Variants in MACROD2 observed in about 807,000 individuals in gnomAD.
MACROD2 encodes mono-ADP ribosylhydrolase 2, also known as ADP-ribose glycohydrolase MACROD2.
A neutral mutation model predicts 70.4 loss-of-function variants in MACROD2; 36 were observed. The observed-to-expected ratio is 0.51, with a 90% CI of 0.39 to 0.68. The LOEUF is 0.68. Ranked by LOEUF, MACROD2 falls within the 30% of genes least tolerant of loss-of-function variation. The pLI is 0.00. For synonymous variants in MACROD2, 172 were observed against 178.8 expected, an observed-to-expected ratio of 0.96 and a Z score of 0.30; for missense variants, 496 against 538.4, an observed-to-expected ratio of 0.92 and a Z score of 0.78.
At chr20:14,321,186 G>A (rs2082656726) in intron 3 of MACROD2, among the ~76,000 whole-genome samples, 1 of 152,086 alleles carries the variant, frequency 6.6e-6, no homozygotes. Flanking sequence ...CCAACATGGT[G>A]AAACCCCGTC....
At chr20:14,073,425 C>T (rs907620604) in intron 2 of MACROD2, among the ~76,000 whole-genome samples, 1 of 151,696 alleles carries the variant, frequency 6.6e-6, no homozygotes, top group African/African-American at 2.4e-5. Context: ...ATTTAAAGAA[C>T]CATACATATA....
intron 8 of MACROD2, among the ~76,000 whole-genome samples, chr20:15,585,713 G>A (rs921523042): frequency 7.2e-5 from 11 of 152,026 alleles, no homozygotes; most frequent in Admixed American, 4.6e-4. Context: ...TGAATCATCC[G>A]TCTTAATAGC....
chr20:14,589,691 T>C (rs1981633404), intron 4 of MACROD2, among the ~76,000 whole-genome samples: 1 of 152,174 alleles, frequency 6.6e-6, no homozygotes, highest in South Asian at 2.1e-4. Context: ...CTATACTGTT[T>C]TCCTCTCTTT....
chr20:14,062,185 G>A (rs2053698731), intron 2 of MACROD2, among the ~76,000 whole-genome samples: 1 of 152,102 alleles, frequency 6.6e-6, no homozygotes. Flanking sequence ...GACTTTGAAA[G>A]TGTCCTTTGT....
At chr20:15,802,554 A>G (rs879755942) in intron 8 of MACROD2, among the ~76,000 whole-genome samples, 8 of 152,150 alleles carry the variant, frequency 5.3e-5, no homozygotes, top group Non-Finnish European at 7.3e-5. Context: ...ATCATTGTAT[A>G]TAAAGTTTTC....
At chr20:14,057,834 G>C (rs923358326) in intron 2 of MACROD2, among the ~76,000 whole-genome samples, 1 of 152,068 alleles carries the variant, frequency 6.6e-6, no homozygotes, top group Non-Finnish European at 1.5e-5. Context: ...ATAGTAATGC[G>C]TACAGCAATA....
At chr20:15,411,198 AAG>A (rs1364640624) in intron 6 of MACROD2, among the ~76,000 whole-genome samples, 2 of 141,832 alleles carry the variant, frequency 1.4e-5, no homozygotes, top group Admixed American at 1.5e-4. Context: ...GAGAGAGAGA[AAG>A]AGATTTTTAA....
At chr20:15,953,130 G>A (rs775233740) in intron 12 of MACROD2, among the ~76,000 whole-genome samples, 34 of 152,244 alleles carry the variant, frequency 2.2e-4, no homozygotes, top group Admixed American at 7.2e-4. Flanking sequence ...AACACCGCAT[G>A]TTTTCACTCA....
chr20:15,270,922 C>T (rs900558570), intron 6 of MACROD2, among the ~76,000 whole-genome samples: 3 of 152,266 alleles, frequency 2.0e-5, no homozygotes, highest in South Asian at 2.1e-4. Context: ...ACACCCTTTT[C>T]GGTTCTACTT....
chr20:14,309,289 C>G (rs193173368), intron 3 of MACROD2, among the ~76,000 whole-genome samples: 1 of 152,100 alleles, frequency 6.6e-6, no homozygotes, highest in Admixed American at 6.5e-5. Context: ...AGACCCTTCA[C>G]GTAATTTCCT....
chr20:15,423,246 C>T (rs1568796635), intron 6 of MACROD2, among the ~76,000 whole-genome samples: 1 of 152,156 alleles, frequency 6.6e-6, no homozygotes, highest in Non-Finnish European at 1.5e-5. Flanking sequence ...ACATCTACTC[C>T]ACTTGTCTGT....
intron 15 of MACROD2, among the ~76,000 whole-genome samples, chr20:16,024,512 CAG>C (rs1568717434): frequency 9.1e-5 from 13 of 142,930 alleles, no homozygotes; most frequent in South Asian, 7.1e-4. Context: ...CACACACACA[CAG>C]ACACACACAC....
intron 8 of MACROD2, among the ~76,000 whole-genome samples, chr20:15,513,491 T>C (rs2047527164): frequency 6.6e-6 from 1 of 152,218 alleles, no homozygotes; most frequent in African/African-American, 2.4e-5. Flanking sequence ...AAGCTGTTGG[T>C]TTACCCAGCA....
chr20:15,345,458 G>A (rs2078155802), intron 6 of MACROD2, among the ~76,000 whole-genome samples: 1 of 152,110 alleles, frequency 6.6e-6, no homozygotes, highest in Non-Finnish European at 1.5e-5. Context: ...TGGATATTGG[G>A]CACACTCCTG....
chr20:15,853,081 T>C (rs2064317941), intron 8 of MACROD2, among the ~76,000 whole-genome samples: 1 of 152,166 alleles, frequency 6.6e-6, no homozygotes, highest in African/African-American at 2.4e-5. Flanking sequence ...GCCCCTGATA[T>C]TCTCATCTGG....
chr20:15,396,699 G>A (rs2045864782), intron 6 of MACROD2, among the ~76,000 whole-genome samples: 1 of 152,044 alleles, frequency 6.6e-6, no homozygotes, highest in Admixed American at 6.6e-5. Flanking sequence ...GTACCACATG[G>A]CCTCTTGACA....
intron 4 of MACROD2, among the ~76,000 whole-genome samples, chr20:14,553,480 C>T (rs1978809907): frequency 6.9e-6 from 1 of 143,886 alleles, no homozygotes; most frequent in Non-Finnish European, 1.5e-5. Context: ...ATGGTAGATA[C>T]AGAAAGCAGT....
At chr20:15,296,628 A>G (rs1378127748) in intron 6 of MACROD2, among the ~76,000 whole-genome samples, 2 of 152,232 alleles carry the variant, frequency 1.3e-5, no homozygotes, top group East Asian at 3.9e-4. Flanking sequence ...AGAGATGCCA[A>G]TCTCCCCCAC....
intron 8 of MACROD2, among the ~76,000 whole-genome samples, chr20:15,766,760 A>G (rs1158698433): frequency 6.6e-6 from 1 of 152,210 alleles, no homozygotes; most frequent in East Asian, 1.9e-4. Flanking sequence ...AGTAATAGTT[A>G]CCTTTTGCTA....
Sources: allele counts gnomAD v4.1 joint callset (sites outside exome capture counted in the v4.1 genomes callset), GRCh38; gene constraint gnomAD v4.1.1; transcripts MANE v1.5; gene names NCBI Gene and HGNC (gene_info 2026-07-23, HGNC 2026-07-21).